Variants in FAM81A observed in about 807,000 individuals in gnomAD.
FAM81A encodes the protein protein FAM81A.
In FAM81A, 19 loss-of-function variants were observed where a neutral mutation model predicts 46.7. The ratio of observed to expected loss-of-function variants is 0.41; its 90% CI spans 0.28 to 0.60. FAM81A has a LOEUF of 0.60. Ranked by LOEUF, FAM81A falls within the 20% of genes least tolerant of loss-of-function variation. The probability of loss-of-function intolerance (pLI) is 0.34; values close to 1 mark genes in which losing one functional copy is unlikely to be tolerated. For missense variants in FAM81A, 377 were observed against 453.5 expected, an observed-to-expected ratio of 0.83 and a Z score of 1.53; for synonymous variants, 183 against 152.9, an observed-to-expected ratio of 1.20 and a Z score of -1.45.
At chr15:59,446,221 A>T (rs2081353202) in intron 1 of FAM81A, among the ~76,000 whole-genome samples, 1 of 152,266 alleles carries the variant, frequency 6.6e-6, no homozygotes, top group Admixed American at 6.5e-5. Flanking sequence ...AAAGGTTCAA[A>T]TAACAATAGA....
intron 1 of FAM81A, among the ~76,000 whole-genome samples, chr15:59,457,173 T>A (rs769228970): frequency 6.6e-6 from 1 of 152,306 alleles, no homozygotes; most frequent in South Asian, 2.1e-4. Context: ...AAATATTAAA[T>A]AAAAAATTCT....
chr15:59,503,399 A>G (rs2082115925), intron 4 of FAM81A, among the ~76,000 whole-genome samples: 1 of 152,088 alleles, frequency 6.6e-6, no homozygotes, highest in Non-Finnish European at 1.5e-5. Context: ...TTGTAGTCTA[A>G]TAAGTTTCTT....
At chr15:59,506,968 T>A (rs762939014) in intron 4 of FAM81A, among the ~76,000 whole-genome samples, 1 of 152,232 alleles carries the variant, frequency 6.6e-6, no homozygotes, top group Non-Finnish European at 1.5e-5. Flanking sequence ...GTTGTACTCA[T>A]GATCGTTGGA....
chr15:59,405,055 A>G (rs1422678838), intron 2 of FAM81A, among the ~76,000 whole-genome samples: 1 of 152,134 alleles, frequency 6.6e-6, no homozygotes, highest in Non-Finnish European at 1.5e-5. Flanking sequence ...CTTTCTTCCA[A>G]GCTTTGTTTC....
intron 5 of FAM81A, among the ~76,000 whole-genome samples, chr15:59,507,639 C>T (rs78235151): frequency 6.6e-6 from 1 of 152,214 alleles, no homozygotes; most frequent in South Asian, 2.1e-4. Flanking sequence ...TGAAAGCTAT[C>T]TCTTGCACAA....
chr15:59,448,726 G>T (rs1343488678), intron 1 of FAM81A, among the ~76,000 whole-genome samples: 3 of 152,122 alleles, frequency 2.0e-5, no homozygotes, highest in East Asian at 1.9e-4. Context: ...GGAGTGCAGT[G>T]TCATGCAGTG....
In FAM81A at chr15:59,514,301, A is replaced by C. The variant is rs2082244457; in HGVS notation, c.663A>C (p.Thr221=). ...LQLLDTKFKG[T]VEELSNQILS... ...TTTTTTTTTTTAGATTTAAAGGTAC[A>C]GTTGAGGAACTCAGTAACCAGATAT... Residue 221 remains threonine (T), a synonymous_variant, in exon 7 of 9, where the codon ACA becomes ACC. Transcript: ENST00000288228. The C allele has an allele frequency of 1.9e-6, 3 of 1,595,878 alleles. No homozygotes were observed. Among genetic ancestry groups the C allele is most frequent in the Non-Finnish European group, 2.6e-6 (3 of 1,174,390 alleles).
In FAM81A at chr15:59,521,246, C is replaced by G. The variant is rs764541418; in HGVS notation, c.983-8C>G. On this transcript the variant is annotated splice_region_variant and splice_polypyrimidine_tract_variant and intron_variant, in intron 8 of 8. Coordinates refer to ENST00000288228, the MANE Select transcript of FAM81A (RefSeq NM_152450.3). ...GTTAACTGTTGTGAAATTTACCTCT[C>G]CTTCAAGGGTTTACAGCCGTCTATG... The G allele has an allele frequency of 6.2e-7, 1 of 1,607,054 alleles. No homozygotes were observed. Among genetic ancestry groups the G allele is most frequent in the Non-Finnish European group, 8.5e-7 (1 of 1,177,540 alleles).
chr15:59,467,975 T>G (rs1372482239), intron 3 of FAM81A, among the ~76,000 whole-genome samples: 1 of 152,168 alleles, frequency 6.6e-6, no homozygotes, highest in Non-Finnish European at 1.5e-5. Flanking sequence ...ATCATGTGGG[T>G]TTTGTCATTG....
chr15:59,424,418 A>G (rs960771907), intron 2 of FAM81A, among the ~76,000 whole-genome samples: 1 of 152,142 alleles, frequency 6.6e-6, no homozygotes, highest in Admixed American at 6.5e-5. Context: ...ATCTCATCCA[A>G]TCACAGGGCT....
chr15:59,416,993 C>T (rs1320965162), intron 2 of FAM81A, among the ~76,000 whole-genome samples: 2 of 151,580 alleles, frequency 1.3e-5, no homozygotes, highest in Non-Finnish European at 2.9e-5. Context: ...CTTGTGCCGT[C>T]GTGTCTGCAT....
At chr15:59,505,196 T>C (rs1418137689) in intron 4 of FAM81A, among the ~76,000 whole-genome samples, 1 of 152,174 alleles carries the variant, frequency 6.6e-6, no homozygotes, top group Non-Finnish European at 1.5e-5. Flanking sequence ...ACTGATTCTA[T>C]CTTCAACTAT....
chr15:59,450,199 G>T (rs542917762), intron 1 of FAM81A, among the ~76,000 whole-genome samples: 159 of 150,910 alleles, frequency 1.1e-3, no homozygotes, highest in Non-Finnish European at 1.5e-3. Context: ...CAAAGGGCTG[G>T]GATTACAGGC....
chr15:59,447,396 C>A (rs760698247), intron 1 of FAM81A, among the ~76,000 whole-genome samples: 3 of 152,218 alleles, frequency 2.0e-5, no homozygotes, highest in Admixed American at 6.5e-5. Flanking sequence ...ATGTGCGTTC[C>A]TCAATGTGCT....
At chr15:59,472,980 G>A (rs1429651784) in intron 3 of FAM81A, among the ~76,000 whole-genome samples, 1 of 152,118 alleles carries the variant, frequency 6.6e-6, no homozygotes, top group Non-Finnish European at 1.5e-5. Flanking sequence ...ACCCTAAGTT[G>A]ACAACTGTAC....
chr15:59,482,510 C>T (rs1234278818), intron 3 of FAM81A, among the ~76,000 whole-genome samples: 3 of 152,170 alleles, frequency 2.0e-5, no homozygotes, highest in Non-Finnish European at 4.4e-5. Flanking sequence ...CTCAGGTGAT[C>T]CACCTGCCTT....
At chr15:59,497,921 G>C (rs1476453852) in intron 4 of FAM81A, among the ~76,000 whole-genome samples, 6 of 152,190 alleles carry the variant, frequency 3.9e-5, no homozygotes, top group Non-Finnish European at 8.8e-5. Context: ...GCAGTGGCAT[G>C]ATCACAATTC....
chr15:59,505,370 G>T (rs552809694), intron 4 of FAM81A, among the ~76,000 whole-genome samples: 2 of 152,028 alleles, frequency 1.3e-5, no homozygotes, highest in African/African-American at 2.4e-5. Flanking sequence ...AAATTAGCCA[G>T]GCATGGTGAT....
At chr15:59,429,130 C>T (rs541179999) in intron 2 of FAM81A, among the ~76,000 whole-genome samples, 1 of 152,168 alleles carries the variant, frequency 6.6e-6, no homozygotes, top group Non-Finnish European at 1.5e-5. Context: ...TTTAAAGGTA[C>T]TATTCTTTCT....
Sources: gnomAD v4.1 joint callset for allele counts (sites outside exome capture counted in the v4.1 genomes callset) on GRCh38, gnomAD v4.1.1 for gene constraint, MANE v1.5 for transcripts, NCBI Gene and HGNC (gene_info 2026-07-23, HGNC 2026-07-21) for gene names.